The following LDB2 variants were observed in gnomAD, a reference collection of about 807,000 sequenced individuals.
LDB2 encodes LIM domain binding 2, also known as LIM domain-binding protein 2.
In LDB2, 12 loss-of-function variants were observed where a neutral mutation model predicts 44.3. That is an observed-to-expected ratio of 0.27 (90% CI 0.17 to 0.44). The LOEUF (loss-of-function observed/expected upper bound fraction) is 0.44. Among genes scored for constraint, LDB2 ranks in the 20% least tolerant of loss-of-function variants. LDB2 has a pLI of 1.00. For synonymous variants in LDB2, 164 were observed against 174.8 expected (o/e 0.94, Z 0.49); for missense variants, 344 against 473.5 (o/e 0.73, Z 2.54).
intron 1 of LDB2, among the ~76,000 whole-genome samples, chr4:16,822,508 G>GTAT (rs1222429454): frequency 6.6e-6 from 1 of 151,952 alleles, no homozygotes; most frequent in African/African-American, 2.4e-5. Context: ...ATGTGCTGTT[G>GTAT]TATTATTATT....
At chr4:16,531,137 C>T (rs1730001704) in intron 5 of LDB2, among the ~76,000 whole-genome samples, 1 of 152,206 alleles carries the variant, frequency 6.6e-6, no homozygotes, top group Middle Eastern at 3.2e-3. Context: ...GCTCCATAAA[C>T]ACCTATTGAA....
intron 5 of LDB2, among the ~76,000 whole-genome samples, chr4:16,563,937 G>A (rs930151961): frequency 3.9e-5 from 6 of 152,102 alleles, no homozygotes; most frequent in Admixed American, 2.6e-4. Flanking sequence ...TGACATCAAA[G>A]ATTCTCAATG....
Position 16,533,966 on chromosome 4 carries a change from A to G in LDB2, c.616-21862T>C, listed in dbSNP as rs1198094192. Among the ~76,000 whole-genome samples the G allele has an allele frequency of 2.0e-5, 3 of 152,336 alleles. No homozygotes were observed. In the East Asian group the frequency reaches 5.8e-4, roughly 29 times the overall value. On this transcript the variant is annotated intron_variant, in intron 5 of 7. Coordinates refer to ENST00000304523, the MANE Select transcript of LDB2 (RefSeq NM_001290.5). The surrounding 1 kb of genome is among the most constrained non-coding windows in gnomAD (Gnocchi z 4.1). ...CATTCATAATAATATAATTAGCAAT[A>G]CAATTCATACCATACAGCATGTGAG...
At chr4:16,516,083 T>C (rs1175130042) in intron 5 of LDB2, among the ~76,000 whole-genome samples, 1 of 152,002 alleles carries the variant, frequency 6.6e-6, no homozygotes, top group African/African-American at 2.4e-5. Context: ...TCCAGGATGG[T>C]CTCAATCTCC....
At chr4:16,800,357 T>C (rs1219412573) in intron 1 of LDB2, among the ~76,000 whole-genome samples, 1 of 152,206 alleles carries the variant, frequency 6.6e-6, no homozygotes, top group Non-Finnish European at 1.5e-5. Flanking sequence ...TCTGCATCTG[T>C]TTATAAACCT....
At chr4:16,826,486 C>T (rs1488357586) in intron 1 of LDB2, 1 of 152,158 alleles carries the variant, frequency 6.6e-6, no homozygotes, top group Non-Finnish European at 1.5e-5. Context: ...AAATTTCTAC[C>T]TCCAGAATAT....
At chr4:16,839,947 G>A (rs755954386) in intron 1 of LDB2, among the ~76,000 whole-genome samples, 1 of 152,096 alleles carries the variant, frequency 6.6e-6, no homozygotes, top group African/African-American at 2.4e-5. Context: ...CCTACCTAAA[G>A]TGGCCAACAT....
intron 2 of LDB2, among the ~76,000 whole-genome samples, chr4:16,675,620 G>C (rs1011934633): frequency 6.6e-6 from 1 of 151,340 alleles, no homozygotes; most frequent in Non-Finnish European, 1.5e-5. Context: ...AAATAATCTA[G>C]ATAAATAAAA....
chr4:16,880,173 CAGAAG>C (rs1719640903), intron 1 of LDB2, among the ~76,000 whole-genome samples: 1 of 152,148 alleles, frequency 6.6e-6, no homozygotes, highest in Non-Finnish European at 1.5e-5. Context: ...ATCTTAATGA[CAGAAG>C]AGAATTTAGC....
chr4:16,809,639 A>G (rs1030597171), intron 1 of LDB2, among the ~76,000 whole-genome samples: 1 of 152,084 alleles, frequency 6.6e-6, no homozygotes, highest in African/African-American at 2.4e-5. Flanking sequence ...CTAGGCATAC[A>G]GTGACTACAA....
At chr4:16,631,732 A>T (rs1459713996) in intron 2 of LDB2, among the ~76,000 whole-genome samples, 2 of 152,220 alleles carry the variant, frequency 1.3e-5, no homozygotes, top group Non-Finnish European at 2.9e-5. Context: ...AAATAGATGC[A>T]ATAAAAAATG....
Position 16,588,726 on chromosome 4 carries a change from C to G in LDB2, c.515G>C (p.Ser172Thr). 1 of 1,613,706 alleles carries G rather than the reference C, an allele frequency of 6.2e-7. No homozygotes were observed. Among genetic ancestry groups the G allele is most frequent in the Non-Finnish European group, 8.5e-7 (1 of 1,179,790 alleles). Residue 172 changes from serine to threonine, a missense_variant, in exon 4 of 8, where the codon AGC becomes ACC. By Grantham distance (58) the Ser-to-Thr change is moderately conservative. Coordinates refer to ENST00000304523, the MANE Select transcript of LDB2 (RefSeq NM_001290.5). ...ATTACTTACATGCATGGCTAGGATGCTTCTCGGGACTAACTCTCGGTATTG... is the reference window on the plus strand; with the variant it reads ...ATTACTTACATGCATGGCTAGGATGGTTCTCGGGACTAACTCTCGGTATTG... ...IRQYRELVPR[S>T]ILAMHAQDPQ...
At chr4:16,794,531 G>C (rs1362429816) in intron 1 of LDB2, among the ~76,000 whole-genome samples, 1 of 152,130 alleles carries the variant, frequency 6.6e-6, no homozygotes, top group Admixed American at 6.5e-5. Context: ...CTCTGGCTTT[G>C]TTATTGAGCT....
chr4:16,509,113 C>T (rs1005131306), intron 6 of LDB2, among the ~76,000 whole-genome samples: 1 of 152,090 alleles, frequency 6.6e-6, no homozygotes, highest in African/African-American at 2.4e-5. Flanking sequence ...CTCCAAGGTA[C>T]GAGTGAAGTA....
intron 1 of LDB2, among the ~76,000 whole-genome samples, chr4:16,837,939 T>C (rs374179158): frequency 6.6e-6 from 1 of 152,208 alleles, no homozygotes; most frequent in Non-Finnish European, 1.5e-5. Context: ...CTGAATTCTG[T>C]AAAAAGTATA....
chr4:16,646,141 A>G (rs1736736915), intron 2 of LDB2, among the ~76,000 whole-genome samples: 1 of 152,192 alleles, frequency 6.6e-6, no homozygotes, highest in Admixed American at 6.5e-5. Context: ...ACTATCTACA[A>G]ATTCCTTCAC....
At chr4:16,644,727 GC>G (rs1736215428) in intron 2 of LDB2, among the ~76,000 whole-genome samples, 2 of 152,154 alleles carry the variant, frequency 1.3e-5, no homozygotes, top group South Asian at 2.1e-4. Context: ...ACTGCACTTG[GC>G]CATGAACCAA....
chr4:16,780,480 C>A (rs1772952764), intron 1 of LDB2, among the ~76,000 whole-genome samples: 1 of 152,136 alleles, frequency 6.6e-6, no homozygotes, highest in African/African-American at 2.4e-5. Flanking sequence ...GCCTCAGCCT[C>A]CCAAAGTGAT....
At chr4:16,666,224 C>T (rs1416270577) in intron 2 of LDB2, among the ~76,000 whole-genome samples, 1 of 152,182 alleles carries the variant, frequency 6.6e-6, no homozygotes, top group African/African-American at 2.4e-5. Context: ...AGGACAAGCT[C>T]GCACTGCTGT....
Sources: gnomAD v4.1 joint callset for allele counts (sites outside exome capture counted in the v4.1 genomes callset) on GRCh38, gnomAD v4.1.1 for gene constraint, Gnocchi (gnomAD v3.1) non-coding constraint, MANE v1.5 for transcripts, NCBI Gene and HGNC (gene_info 2026-07-23, HGNC 2026-07-21) for gene names.